SLC24A2: variants seen among roughly 807,000 people sequenced by gnomAD.
The protein encoded by SLC24A2 is solute carrier family 24 member 2.
In SLC24A2, 36 loss-of-function variants were observed where a neutral mutation model predicts 62.0. The ratio of observed to expected loss-of-function variants is 0.58; its 90% CI spans 0.44 to 0.77. SLC24A2 has a LOEUF of 0.77. Among genes scored for constraint, SLC24A2 ranks in the 30% least tolerant of loss-of-function variants. The pLI, the probability that SLC24A2 is intolerant of heterozygous loss-of-function variation, is 0.00. For missense variants in SLC24A2, 846 were observed against 817.9 expected, an observed-to-expected ratio of 1.03 and a Z score of -0.42; for synonymous variants, 358 against 294.0, an observed-to-expected ratio of 1.22 and a Z score of -2.23.
chr9:20,251,490 A>G, the SLC24A2 span, among the ~76,000 whole-genome samples: 1 of 152,212 alleles, frequency 6.6e-6, no homozygotes, highest in Non-Finnish European at 1.5e-5. Context: ...TTCTTCATTA[A>G]ACTTTTCCAT....
At chr9:19,896,031 G>C in the SLC24A2 span, 2 of 1,398,052 alleles carry the variant, frequency 1.4e-6, no homozygotes, top group Non-Finnish European at 2.0e-6. Flanking sequence ...AGCCACAGCA[G>C]GTCCCCTTGC....
chr9:19,526,606 G>A (rs1261252736), intron 9 of SLC24A2, among the ~76,000 whole-genome samples: 1 of 152,150 alleles, frequency 6.6e-6, no homozygotes. Flanking sequence ...TAATAATGAT[G>A]TTGAGCATAT....
chr9:19,683,651 T>A (rs1191992598), intron 2 of SLC24A2, among the ~76,000 whole-genome samples: 6 of 152,058 alleles, frequency 3.9e-5, no homozygotes, highest in Admixed American at 3.9e-4. Context: ...TTATTTTAAA[T>A]GGAGGCTTTC....
chr9:19,723,624 G>C (rs1040248479), intron 2 of SLC24A2, among the ~76,000 whole-genome samples: 1 of 151,926 alleles, frequency 6.6e-6, no homozygotes, highest in Non-Finnish European at 1.5e-5. Flanking sequence ...GAAATATCGG[G>C]GCTATTACCT....
the SLC24A2 span, among the ~76,000 whole-genome samples, chr9:20,259,976 C>G: frequency 0.015 from 2,275 of 152,194 alleles, 63 homozygotes; most frequent in African/African-American, 0.052. Flanking sequence ...CCCAGCTACC[C>G]AGGAGGCTGA....
chr9:20,306,329 CAACAACAACAAA>C, the SLC24A2 span, among the ~76,000 whole-genome samples: 2 of 152,150 alleles, frequency 1.3e-5, no homozygotes, highest in Non-Finnish European at 2.9e-5. Flanking sequence ...TGAACAACAA[CAACAACAACAAA>C]AAATGCAAGG....
At position 19,738,876 on chromosome 9, in the gene SLC24A2, T is replaced by A. The variant is rs569499905; in HGVS notation, c.930+47061A>T. Reference sequence around the variant, plus strand: ...GCTCATGCCTGTGATCCCAGCACTTTGGGAGGCTGAGGCGGGCAGATCAAG... The same window carrying A: ...GCTCATGCCTGTGATCCCAGCACTTAGGGAGGCTGAGGCGGGCAGATCAAG... On this transcript the variant is annotated intron_variant, in intron 2 of 10. Coordinates refer to ENST00000341998, the MANE Select transcript of SLC24A2 (RefSeq NM_020344.4). 8.5e-5 allele frequency among the ~76,000 whole-genome samples: 13 copies of A among 152,234 alleles called. No homozygotes were observed. The East Asian group carries it at 2.3e-3, about 27-fold the overall frequency.
chr9:19,600,166 G>A (rs955863068), intron 4 of SLC24A2, among the ~76,000 whole-genome samples: 1 of 152,186 alleles, frequency 6.6e-6, no homozygotes, highest in Non-Finnish European at 1.5e-5. Flanking sequence ...CACAGATGGA[G>A]AAGAAATTCC....
chr9:19,679,876 G>GTC (rs1412182590), intron 2 of SLC24A2, among the ~76,000 whole-genome samples: 1 of 148,942 alleles, frequency 6.7e-6, no homozygotes, highest in African/African-American at 2.4e-5. Flanking sequence ...GTGTGTGTGT[G>GTC]TGTGTGTCTG....
the SLC24A2 span, among the ~76,000 whole-genome samples, chr9:20,111,232 A>G: frequency 6.6e-6 from 1 of 152,132 alleles, no homozygotes; most frequent in African/African-American, 2.4e-5. Context: ...GAAGAGGGTG[A>G]CAGAGACATA....
At chr9:19,994,465 A>G in the SLC24A2 span, among the ~76,000 whole-genome samples, 1 of 152,118 alleles carries the variant, frequency 6.6e-6, no homozygotes, top group African/African-American at 2.4e-5. Context: ...TTATGTCCCA[A>G]TGTGTTGGGC....
At chr9:19,964,258 T>C in the SLC24A2 span, among the ~76,000 whole-genome samples, 2 of 147,896 alleles carry the variant, frequency 1.4e-5, no homozygotes, top group Non-Finnish European at 1.5e-5. Context: ...TGAGGAGATA[T>C]ACCTAATGCT....
intron 2 of SLC24A2, among the ~76,000 whole-genome samples, chr9:19,688,299 C>T (rs912645892): frequency 6.6e-6 from 1 of 152,102 alleles, no homozygotes. Flanking sequence ...TTCTCCAGAG[C>T]CTCAGTTTCT....
intron 8 of SLC24A2, among the ~76,000 whole-genome samples, chr9:19,549,826 C>G (rs551193049): frequency 1.3e-4 from 20 of 152,308 alleles, no homozygotes; most frequent in African/African-American, 4.6e-4. Flanking sequence ...CAAGAAAAGA[C>G]TAAAAGGATG....
chr9:19,637,386 G>GT (rs1199207658), intron 2 of SLC24A2, among the ~76,000 whole-genome samples: 6 of 152,150 alleles, frequency 3.9e-5, no homozygotes, highest in African/African-American at 1.4e-4. Context: ...GCCCGACTGT[G>GT]TTTTTTCTAA....
intron 8 of SLC24A2, among the ~76,000 whole-genome samples, chr9:19,545,873 G>C (rs1296268891): frequency 2.0e-5 from 3 of 152,094 alleles, no homozygotes; most frequent in African/African-American, 7.2e-5. Context: ...TCCTGACCTT[G>C]TGATCTGCCC....
At chr9:19,563,796 C>CCCTTCCTTCCTTCCTTCCTT (rs1181236935) in intron 7 of SLC24A2, among the ~76,000 whole-genome samples, 3 of 60,760 alleles carry the variant, frequency 4.9e-5, no homozygotes, top group African/African-American at 1.8e-4. Context: ...TTTATAATGA[C>CCCTTCCTTCCTTCCTTCCTT]CCTTCCTTCC....
intron 2 of SLC24A2, among the ~76,000 whole-genome samples, chr9:19,739,426 C>T (rs758182905): frequency 6.6e-6 from 1 of 152,088 alleles, no homozygotes; most frequent in Admixed American, 6.6e-5. Context: ...GTAATGTATA[C>T]CATCAGATAT....
At chr9:20,149,545 G>C in the SLC24A2 span, among the ~76,000 whole-genome samples, 1 of 151,778 alleles carries the variant, frequency 6.6e-6, no homozygotes, top group African/African-American at 2.4e-5. Context: ...AGTTTCCATT[G>C]TGGCTGCTCA....
Sources: allele counts gnomAD v4.1 joint callset (sites outside exome capture counted in the v4.1 genomes callset), GRCh38; gene constraint gnomAD v4.1.1; transcripts MANE v1.5; gene names NCBI Gene and HGNC (gene_info 2026-07-23, HGNC 2026-07-21).